REEP3: variants seen among roughly 807,000 people sequenced by gnomAD.
The protein encoded by REEP3 is receptor expression-enhancing protein 3.
Under a neutral mutation model 41.3 loss-of-function variants are expected in REEP3, and 20 were observed. The observed-to-expected ratio is 0.48, with a 90% CI of 0.34 to 0.70. REEP3 has a LOEUF of 0.70. Ranked by LOEUF, REEP3 falls within the 30% of genes least tolerant of loss-of-function variation. The pLI, the probability that REEP3 is intolerant of heterozygous loss-of-function variation, is 0.01. For synonymous variants in REEP3, 104 were observed against 101.8 expected (o/e 1.02, Z -0.13); for missense variants, 271 against 308.8 (o/e 0.88, Z 0.92).
intron 2 of REEP3, among the ~76,000 whole-genome samples, chr10:63,571,426 C>T (rs1212746507): frequency 1.3e-5 from 2 of 152,170 alleles, no homozygotes; most frequent in Non-Finnish European, 2.9e-5. Flanking sequence ...CTACAGGCTG[C>T]CCGCATTCCT....
At chr10:63,608,634 T>G (rs1956250780) in intron 5 of REEP3, among the ~76,000 whole-genome samples, 1 of 152,252 alleles carries the variant, frequency 6.6e-6, no homozygotes, top group Non-Finnish European at 1.5e-5. Context: ...ATTTTTAATC[T>G]AGCTATAAAT....
chr10:63,599,124 A>T, intron 4 of REEP3, 46 bp from the exon 5 acceptor site: 1 of 928,172 alleles, frequency 1.1e-6, no homozygotes, highest in Non-Finnish European at 1.7e-6. Flanking sequence ...GGGGCTTATT[A>T]ACACTATTTT....
chr10:63,573,655 A>G (rs926242171), intron 2 of REEP3, among the ~76,000 whole-genome samples: 1 of 152,172 alleles, frequency 6.6e-6, no homozygotes, highest in Non-Finnish European at 1.5e-5. Context: ...TCGACTGACT[A>G]TTTAGGTGAT....
chr10:63,598,175 T>C, intron 4 of REEP3, 31 bp downstream of exon 4: 12 of 1,500,532 alleles, frequency 8.0e-6, no homozygotes, highest in Non-Finnish European at 1.1e-5. Flanking sequence ...CCGTAAATAA[T>C]TTTTTAGAAA....
intron 1 of REEP3, among the ~76,000 whole-genome samples, chr10:63,545,168 AAATTT>A (rs1373374779): frequency 3.9e-5 from 6 of 152,216 alleles, no homozygotes; most frequent in Non-Finnish European, 8.8e-5. Flanking sequence ...TCTTTGTTTT[AAATTT>A]AATTTTTAAA....
At chr10:63,599,093 A>G in intron 4 of REEP3, 77 bp from the exon 5 acceptor site, 1 of 694,880 alleles carries the variant, frequency 1.4e-6, no homozygotes, top group Middle Eastern at 2.4e-4. Flanking sequence ...TGAAACTATT[A>G]TAGGGAGAAT....
chr10:63,544,428 A>G (rs1443302663), intron 1 of REEP3, among the ~76,000 whole-genome samples: 1 of 152,248 alleles, frequency 6.6e-6, no homozygotes, highest in Non-Finnish European at 1.5e-5. Flanking sequence ...TATTTGGGAC[A>G]TGGGAACAGA....
rs1257327139 is a variant in REEP3 at position 63,521,598 on chromosome 10, C to T, written c.32+21C>T. The T allele has an allele frequency of 3.6e-6, 5 of 1,402,456 alleles. No homozygotes were observed. In the African/African-American group the frequency reaches 4.5e-5, roughly 13 times the overall value. The allele number at this position is 1,402,456 out of a possible 1,614,324, so 86.9% of individuals were successfully genotyped here. On this transcript the variant is annotated intron_variant, in intron 1 of 7. Coordinates refer to ENST00000373758, the MANE Select transcript of REEP3 (RefSeq NM_001001330.3). ...GTGGTGTAAGTGCCTCTCACTGCGC[C>T]CTGCAGCCGGCGCGAGGCCCAGGGG...
At chr10:63,613,464 A>G (rs1363743823) in intron 6 of REEP3, among the ~76,000 whole-genome samples, 1 of 152,262 alleles carries the variant, frequency 6.6e-6, no homozygotes, top group Non-Finnish European at 1.5e-5. Flanking sequence ...TATGAAAGGT[A>G]CTTGTTCAGA....
intron 2 of REEP3, among the ~76,000 whole-genome samples, chr10:63,586,488 T>C (rs538981974): frequency 1.6e-4 from 24 of 152,322 alleles, no homozygotes; most frequent in Non-Finnish European, 3.2e-4. Flanking sequence ...ATTTTACTTA[T>C]ATATTTTTAT....
chr10:63,527,455 T>C (rs1335377119), intron 1 of REEP3, among the ~76,000 whole-genome samples: 1 of 152,144 alleles, frequency 6.6e-6, no homozygotes, highest in Non-Finnish European at 1.5e-5. Flanking sequence ...ATAGATTACC[T>C]CAGCTCAGGA....
At chr10:63,614,611 G>C (rs1012486143) in intron 6 of REEP3, among the ~76,000 whole-genome samples, 2 of 152,340 alleles carry the variant, frequency 1.3e-5, no homozygotes, top group Middle Eastern at 3.4e-3. Context: ...AGTGTGCCGA[G>C]AGAAACTTGC....
chr10:63,562,284 T>C (rs1474798351), intron 1 of REEP3, among the ~76,000 whole-genome samples: 1 of 147,524 alleles, frequency 6.8e-6, no homozygotes, highest in Non-Finnish European at 1.5e-5. Context: ...AGAGACGGAG[T>C]CTTACTCTGT....
chr10:63,533,132 A>G (rs1018341938), intron 1 of REEP3, among the ~76,000 whole-genome samples: 1 of 152,240 alleles, frequency 6.6e-6, no homozygotes, highest in Non-Finnish European at 1.5e-5. Context: ...CACTAGAGGC[A>G]TAAAGGCAGG....
At chr10:63,604,562 C>T (rs914244886) in intron 5 of REEP3, among the ~76,000 whole-genome samples, 1 of 151,824 alleles carries the variant, frequency 6.6e-6, no homozygotes, top group Non-Finnish European at 1.5e-5. Context: ...TAAATGATCC[C>T]GATTAGGTCA....
intron 6 of REEP3, among the ~76,000 whole-genome samples, chr10:63,610,898 G>A (rs1027710964): frequency 2.6e-5 from 4 of 152,004 alleles, no homozygotes; most frequent in East Asian, 3.9e-4. Context: ...GTGAAACTCC[G>A]TCTCTACTAA....
rs540856015 is a variant in REEP3 at position 63,523,400 on chromosome 10, A to G, written c.32+1823A>G. Among the ~76,000 whole-genome samples the G allele has an allele frequency of 7.0e-4, 106 of 152,326 alleles. 1 individual carries two copies. In the South Asian group the frequency reaches 0.022, roughly 31 times the overall value. On this transcript the variant is annotated intron_variant, in intron 1 of 7. Transcript: ENST00000373758. ...GTAATCCTAGCACTTTGGGAGGCCA[A>G]GGAGGGAAGATTGTTTGATCACAAG... is the stretch of plus-strand genomic sequence containing the variant.
chr10:63,590,655 TG>T (rs1342529986), intron 2 of REEP3, among the ~76,000 whole-genome samples: 2 of 152,190 alleles, frequency 1.3e-5, no homozygotes, highest in Non-Finnish European at 2.9e-5. Context: ...AACTGTCATC[TG>T]GGTTGAAATT....
chr10:63,525,841 A>G (rs1955358809), intron 1 of REEP3, among the ~76,000 whole-genome samples: 3 of 152,246 alleles, frequency 2.0e-5, no homozygotes, highest in South Asian at 4.1e-4. Context: ...ACTTTTCTTA[A>G]TTTGTTTTTA....
Sources: allele counts gnomAD v4.1 joint callset (sites outside exome capture counted in the v4.1 genomes callset), GRCh38; gene constraint gnomAD v4.1.1; transcripts MANE v1.5; gene names NCBI Gene and HGNC (gene_info 2026-07-23, HGNC 2026-07-21).